Variants in EPS8 observed in about 807,000 individuals in gnomAD.
The protein encoded by EPS8 is EGFR pathway substrate 8, signaling adaptor.
In EPS8, 42 loss-of-function variants were observed where a neutral mutation model predicts 103.8. That is an observed-to-expected ratio of 0.40 (90% CI 0.32 to 0.52). The LOEUF (loss-of-function observed/expected upper bound fraction) is 0.52. Among genes scored for constraint, EPS8 ranks in the 20% least tolerant of loss-of-function variants. EPS8 has a pLI of 0.40. For missense variants in EPS8, 969 were observed against 1,005.1 expected (o/e 0.96, Z 0.49); for synonymous variants, 344 against 344.6 (o/e 1.00, Z 0.02).
In EPS8 at chr12:15,669,332, A is replaced by G. The variant is rs1208566957; in HGVS notation, c.516+55T>C. The G allele has an allele frequency of 4.0e-6, 6 of 1,512,150 alleles. No individual in the cohort carries two copies. The East Asian group carries it at 1.4e-4, about 35-fold the overall frequency. 93.7% of individuals were successfully genotyped at this position (1,512,150 alleles called of 1,614,324 possible). ...ATATATTATCAAAATAGGTAATTCA[A>G]AAGCTCCCAGACAATCTGCTTAAAG... On this transcript the variant is annotated intron_variant, in intron 6 of 20. Coordinates refer to ENST00000281172, the MANE Select transcript of EPS8 (RefSeq NM_004447.6).
rs1946668580 is a variant in EPS8, at chr12:15,727,679, G to A, written c.-21-44707C>T. On this transcript the variant is annotated intron_variant, in intron 1 of 20. Transcript: ENST00000281172. This position sits in a 1 kb window ranked among gnomAD's most constrained non-coding sequence, Gnocchi z 4.3. ...TCGAGACCAGCCTGACCAACACGGT[G>A]AAACCCCGTCTCTACTAAAAATACA... Among the ~76,000 whole-genome samples, 1 of 152,150 alleles carries A rather than the reference G, an allele frequency of 6.6e-6. No individual in the cohort carries two copies. The highest frequency in any genetic ancestry group is 2.4e-5 in the African/African-American group (1 of 41,430).
Position 15,690,060 on chromosome 12 carries a change from C to T in EPS8, c.-21-7088G>A, listed in dbSNP as rs1236797199. ...TGAGATATAATATTTTAATATTTAA[C>T]CACCCTGTCACCACATGATTACCTT... On this transcript the variant is annotated intron_variant, in intron 1 of 20. Transcript: ENST00000281172. This position sits in a 1 kb window ranked among gnomAD's most constrained non-coding sequence, Gnocchi z 4.7. 2.0e-5 allele frequency among the ~76,000 whole-genome samples: 3 copies of T among 152,128 alleles called. No homozygotes were observed. Among genetic ancestry groups the T allele is most frequent in the Non-Finnish European group, 4.4e-5 (3 of 68,018 alleles).
intron 1 of EPS8, among the ~76,000 whole-genome samples, chr12:15,709,043 A>C (rs1464195194): frequency 6.6e-6 from 1 of 152,198 alleles, no homozygotes; most frequent in Non-Finnish European, 1.5e-5. Flanking sequence ...CCTGTCCCCA[A>C]ATGTCCATTC....
chr12:15,634,108 T>C (rs1340469372), intron 17 of EPS8, among the ~76,000 whole-genome samples: 1 of 152,156 alleles, frequency 6.6e-6, no homozygotes, highest in African/African-American at 2.4e-5. Context: ...AAGCTCCAAA[T>C]CCAAAAAAGA....
intron 1 of EPS8, among the ~76,000 whole-genome samples, chr12:15,740,021 A>C (rs1348535075): frequency 6.6e-6 from 1 of 152,138 alleles, no homozygotes; most frequent in Non-Finnish European, 1.5e-5. Context: ...AGAGAATACT[A>C]ACCAAAAGAA....
chr12:15,780,864 G>A lies in EPS8; in HGVS notation c.-22+8297C>T, dbSNP rs1274707909. 1 of 152,156 alleles carries A rather than the reference G, an allele frequency of 6.6e-6. No homozygotes were observed. Among genetic ancestry groups the A allele is most frequent in the Non-Finnish European group, 1.5e-5 (1 of 68,036 alleles). 9.4% of individuals were successfully genotyped at this position (152,156 alleles called of 1,614,324 possible). ...TGTAGTAATGCTCAACTTCCTATGT[G>A]AGGAAAACTCATGCCCTTTTAAGTA... On this transcript the variant is annotated intron_variant, in intron 1 of 20. Transcript: ENST00000281172. This position sits in a 1 kb window ranked among gnomAD's most constrained non-coding sequence, Gnocchi z 4.1.
intron 1 of EPS8, among the ~76,000 whole-genome samples, chr12:15,722,899 A>T (rs567365673): frequency 3.9e-5 from 6 of 152,236 alleles, no homozygotes; most frequent in South Asian, 4.1e-4. Context: ...TTAGGTTTCA[A>T]ATATGAATTG....
rs948113205 is a variant in EPS8 at position 15,717,701 on chromosome 12, T to C, written c.-21-34729A>G. On this transcript the variant is annotated intron_variant, in intron 1 of 20. Coordinates refer to ENST00000281172, the MANE Select transcript of EPS8 (RefSeq NM_004447.6). The surrounding 1 kb of genome is among the most constrained non-coding windows in gnomAD (Gnocchi z 4.3). ...TCTTTCCAGAAGTTATTTAGAAGAG[T>C]GAGACCATACTTAAATTAAGTGTAT... 3.3e-5 allele frequency among the ~76,000 whole-genome samples: 5 copies of C among 152,002 alleles called. No homozygotes were observed. Among genetic ancestry groups the C allele is most frequent in the African/African-American group, 1.2e-4 (5 of 41,378 alleles).
At chr12:15,744,695 G>A (rs958377846) in intron 1 of EPS8, among the ~76,000 whole-genome samples, 2 of 152,102 alleles carry the variant, frequency 1.3e-5, no homozygotes, top group East Asian at 1.9e-4. Flanking sequence ...AGTGGTAAAG[G>A]CTGGTTTCAA....
At chr12:15,788,188 G>A (rs1947329045) in intron 1 of EPS8, among the ~76,000 whole-genome samples, 1 of 152,194 alleles carries the variant, frequency 6.6e-6, no homozygotes, top group Non-Finnish European at 1.5e-5. Context: ...AGTTTTACCT[G>A]AACTCATCCT....
intron 1 of EPS8, 47 bp from the exon 2 acceptor site, chr12:15,683,019 A>T (rs971987422): frequency 2.0e-5 from 19 of 968,442 alleles, no homozygotes; most frequent in African/African-American, 5.1e-5. Context: ...AAAGGTCAAG[A>T]CATCTCAGTT....
At chr12:15,708,978 G>A (rs1349015583) in intron 1 of EPS8, among the ~76,000 whole-genome samples, 3 of 152,158 alleles carry the variant, frequency 2.0e-5, no homozygotes, top group Non-Finnish European at 4.4e-5. Context: ...TTCCCTGCTG[G>A]GGACAGCCTG....
At chr12:15,739,798 A>G (rs1367511668) in intron 1 of EPS8, among the ~76,000 whole-genome samples, 1 of 152,154 alleles carries the variant, frequency 6.6e-6, no homozygotes, top group African/African-American at 2.4e-5. Context: ...CCATCCATCC[A>G]TAAATAGATA....
intron 17 of EPS8, among the ~76,000 whole-genome samples, chr12:15,633,538 G>A (rs1945084874): frequency 6.6e-6 from 1 of 152,132 alleles, no homozygotes; most frequent in South Asian, 2.1e-4. Flanking sequence ...CTGTGTTACT[G>A]TCACAATCAA....
At chr12:15,783,706 CTGAG>C (rs1395293912) in intron 1 of EPS8, among the ~76,000 whole-genome samples, 35 of 139,258 alleles carry the variant, frequency 2.5e-4, no homozygotes, top group Non-Finnish European at 4.0e-4. Context: ...AGAAGCATCT[CTGAG>C]TTAGTAAAAA....
rs1946533082 is a variant in EPS8, at chr12:15,716,310, C to T, written c.-21-33338G>A. ...AAACAAAATTCTGATATACCTTTGG[C>T]TCCTGAATTATCTATCAGTAAAGAT... On this transcript the variant is annotated intron_variant, in intron 1 of 20. Coordinates refer to ENST00000281172, the MANE Select transcript of EPS8 (RefSeq NM_004447.6). This position sits in a 1 kb window ranked among gnomAD's most constrained non-coding sequence, Gnocchi z 5.0. Among the ~76,000 whole-genome samples the T allele has an allele frequency of 6.6e-6, 1 of 152,122 alleles. No homozygotes were observed. The highest frequency in any genetic ancestry group is 2.4e-5 in the African/African-American group (1 of 41,426).
rs1446790852 is a variant in EPS8, at chr12:15,695,740, C to T, written c.-21-12768G>A. 6.6e-6 allele frequency among the ~76,000 whole-genome samples: 1 copy of T among 151,898 alleles called. No individual in the cohort carries two copies. Among genetic ancestry groups the T allele is most frequent in the African/African-American group, 2.4e-5 (1 of 41,344 alleles). ...CTATAATCCCAGCACTTTGGGAGGC[C>T]GAGGTGGGTGGATCACCTGAGGTCA... On this transcript the variant is annotated intron_variant, in intron 1 of 20. Coordinates refer to ENST00000281172, the MANE Select transcript of EPS8 (RefSeq NM_004447.6). The surrounding 1 kb of genome is among the most constrained non-coding windows in gnomAD (Gnocchi z 5.0).
At chr12:15,658,402 C>T in intron 11 of EPS8, 95 bp downstream of exon 11, 1 of 981,332 alleles carries the variant, frequency 1.0e-6, no homozygotes, top group Admixed American at 2.3e-5. Context: ...TCTATAAAAA[C>T]AATTTTATTT....
chr12:15,656,961 A>T (rs1387033145), intron 12 of EPS8, among the ~76,000 whole-genome samples: 1 of 152,048 alleles, frequency 6.6e-6, no homozygotes, highest in Non-Finnish European at 1.5e-5. Flanking sequence ...CAAGCACCAT[A>T]ATCCCCCATC....
Sources: gnomAD v4.1 joint callset for allele counts (sites outside exome capture counted in the v4.1 genomes callset) on GRCh38, gnomAD v4.1.1 for gene constraint, Gnocchi (gnomAD v3.1) non-coding constraint, MANE v1.5 for transcripts, NCBI Gene and HGNC (gene_info 2026-07-23, HGNC 2026-07-21) for gene names.